The following NCK1 variants were observed in gnomAD, a reference collection of about 807,000 sequenced individuals.
NCK1 encodes the protein SH2/SH3 adapter protein NCK1.
A neutral mutation model predicts 36.6 loss-of-function variants in NCK1; 19 were observed. That is an observed-to-expected ratio of 0.52 (90% confidence interval 0.36 to 0.76). NCK1 has a LOEUF of 0.76. Ranked by LOEUF, NCK1 falls within the 30% of genes least tolerant of loss-of-function variation. NCK1 has a pLI of 0.00. For missense variants in NCK1, 358 were observed against 445.6 expected, an observed-to-expected ratio of 0.80 and a Z score of 1.77; for synonymous variants, 165 against 156.0, an observed-to-expected ratio of 1.06 and a Z score of -0.43.
chr3:136,869,457 A>G (rs1444459624), intron 1 of NCK1, among the ~76,000 whole-genome samples: 1 of 151,886 alleles, frequency 6.6e-6, no homozygotes, highest in African/African-American at 2.4e-5. Context: ...AGACAGGAGA[A>G]TCACTTAAAC....
chr3:136,936,292 C>T (rs754971734), intron 2 of NCK1, among the ~76,000 whole-genome samples: 11 of 152,230 alleles, frequency 7.2e-5, no homozygotes, highest in East Asian at 5.8e-4. Context: ...CTGCCCGCCT[C>T]GGCCTCCCAA....
At chr3:136,870,744 C>T (rs928743680) in intron 1 of NCK1, among the ~76,000 whole-genome samples, 5 of 143,316 alleles carry the variant, frequency 3.5e-5, no homozygotes, top group African/African-American at 7.7e-5. Flanking sequence ...CTTTTGTCTA[C>T]GTCTCACTTC....
chr3:136,905,343 A>G (rs1358274590), intron 1 of NCK1, among the ~76,000 whole-genome samples: 2 of 152,032 alleles, frequency 1.3e-5, no homozygotes, highest in African/African-American at 4.8e-5. Context: ...CCTTTGTGAT[A>G]TCTAGTTCCT....
intron 1 of NCK1, among the ~76,000 whole-genome samples, chr3:136,869,064 C>A (rs1464095585): frequency 6.6e-6 from 1 of 151,522 alleles, no homozygotes; most frequent in Admixed American, 6.6e-5. Flanking sequence ...ATGGTGAAAC[C>A]CCATCTCTAC....
At chr3:136,862,829 G>T (rs563498819) in intron 1 of NCK1, among the ~76,000 whole-genome samples, 1 of 152,246 alleles carries the variant, frequency 6.6e-6, no homozygotes, top group Non-Finnish European at 1.5e-5. Context: ...GCGGTGCTGC[G>T]GGTGGACATC....
At chr3:136,926,836 A>G (rs1009019809) in intron 1 of NCK1, among the ~76,000 whole-genome samples, 11 of 152,038 alleles carry the variant, frequency 7.2e-5, no homozygotes, top group African/African-American at 2.7e-4. Context: ...GACATTCTTT[A>G]TGGCCTGGCA....
intron 1 of NCK1, among the ~76,000 whole-genome samples, chr3:136,897,702 CTCACTTTAA>C (rs1440327089): frequency 3.9e-5 from 6 of 152,242 alleles, no homozygotes; most frequent in Middle Eastern, 3.4e-3. Context: ...TAGACAAATG[CTCACTTTAA>C]TCACAGTTCT....
chr3:136,876,991 A>C (rs1167098349), intron 1 of NCK1, among the ~76,000 whole-genome samples: 1 of 152,214 alleles, frequency 6.6e-6, no homozygotes, highest in Non-Finnish European at 1.5e-5. Context: ...CTGTGTTATC[A>C]TTCTTTCTAA....
At chr3:136,929,020 C>G (rs1001546084) in intron 2 of NCK1, among the ~76,000 whole-genome samples, 1 of 152,130 alleles carries the variant, frequency 6.6e-6, no homozygotes, top group African/African-American at 2.4e-5. Context: ...CTTGTGCAGA[C>G]AGTTTGGGAG....
Position 136,936,443 on chromosome 3 carries a change from C to T in NCK1, c.226+8216C>T, listed in dbSNP as rs144568247. On this transcript the variant is annotated intron_variant, in intron 2 of 3. Coordinates refer to ENST00000481752, the MANE Select transcript of NCK1 (RefSeq NM_001291999.2). The stretch of plus-strand genomic sequence containing the variant: ...TCCATATTTTGGTTATTGTGAACAG[C>T]GTTGTGATAAACATTCATGTACAGT... 6.7e-3 allele frequency among the ~76,000 whole-genome samples: 1,022 copies of T among 152,272 alleles called. 12 individuals carry two copies. Among genetic ancestry groups the T allele is most frequent in the African/African-American group, 0.023 (975 of 41,550 alleles).
chr3:136,916,814 A>G (rs1320800201), intron 1 of NCK1, among the ~76,000 whole-genome samples: 1 of 152,176 alleles, frequency 6.6e-6, no homozygotes, highest in African/African-American at 2.4e-5. Context: ...TTTTTATATT[A>G]TCCAGTTCAA....
intron 2 of NCK1, among the ~76,000 whole-genome samples, chr3:136,938,583 T>G (rs1324729160): frequency 1.3e-5 from 2 of 152,324 alleles, no homozygotes; most frequent in East Asian, 3.9e-4. Context: ...CCCCCAAGCA[T>G]AGTGATGAAG....
chr3:136,949,262 T>G lies in NCK1; in HGVS notation c.*809T>G, dbSNP rs1362438191. The stretch of plus-strand genomic sequence containing the variant: ...GTATTATTTTACCTCTAGAGCATCT[T>G]GTATTAGGACATGTTATATTTATGC... On this transcript the variant is annotated 3_prime_UTR_variant, in exon 4 of 4. Transcript: ENST00000481752. 1 of 152,048 alleles carries G rather than the reference T, an allele frequency of 6.6e-6. No homozygotes were observed. The highest frequency in any genetic ancestry group is 2.4e-5 in the African/African-American group (1 of 41,442). The allele number at this position is 152,048 out of a possible 1,614,324, so 9.4% of individuals were successfully genotyped here.
intron 1 of NCK1, among the ~76,000 whole-genome samples, chr3:136,864,004 G>A (rs1283000043): frequency 6.6e-6 from 1 of 152,120 alleles, no homozygotes; most frequent in African/African-American, 2.4e-5. Flanking sequence ...GGGAGGCTGA[G>A]GCAGGAGAAT....
chr3:136,881,033 T>C (rs991660140), intron 1 of NCK1, among the ~76,000 whole-genome samples: 1 of 152,184 alleles, frequency 6.6e-6, no homozygotes, highest in African/African-American at 2.4e-5. Context: ...ACTCAGTAGC[T>C]AGAAGCCAAG....
At chr3:136,939,113 A>G (rs997699594) in intron 2 of NCK1, among the ~76,000 whole-genome samples, 1 of 152,134 alleles carries the variant, frequency 6.6e-6, no homozygotes, top group Non-Finnish European at 1.5e-5. Flanking sequence ...TCCAGAGCAC[A>G]TTTTTGATGC....
chr3:136,871,121 G>A (rs1938604935), intron 1 of NCK1, among the ~76,000 whole-genome samples: 1 of 151,860 alleles, frequency 6.6e-6, no homozygotes. Context: ...TTTAGTCTGG[G>A]CATGGTGGCT....
intron 1 of NCK1, among the ~76,000 whole-genome samples, chr3:136,923,245 A>G (rs1258796350): frequency 6.6e-6 from 1 of 152,110 alleles, no homozygotes; most frequent in Non-Finnish European, 1.5e-5. Context: ...AAATAGAAAC[A>G]TAAACCAAAA....
intron 1 of NCK1, among the ~76,000 whole-genome samples, chr3:136,870,085 G>A (rs1576940161): frequency 2.3e-5 from 3 of 130,088 alleles, no homozygotes; most frequent in East Asian, 2.5e-4. Context: ...AGTGGCTCAT[G>A]CCTGTAATCC....
Sources: allele counts gnomAD v4.1 joint callset (sites outside exome capture counted in the v4.1 genomes callset), GRCh38; gene constraint gnomAD v4.1.1; transcripts MANE v1.5; gene names NCBI Gene and HGNC (gene_info 2026-07-23, HGNC 2026-07-21).